ZBED4: variants seen among roughly 807,000 people sequenced by gnomAD.
ZBED4 encodes the protein zinc finger BED-type containing 4.
A neutral mutation model predicts 15.5 loss-of-function variants in ZBED4; 4 were observed. That is an observed-to-expected ratio of 0.26 (90% CI 0.13 to 0.59). The LOEUF is 0.59. ZBED4 is among the 20% of genes least tolerant of loss of function. The pLI, the probability that ZBED4 is intolerant of heterozygous loss-of-function variation, is 0.90. For missense variants in ZBED4, 1,323 were observed against 1,461.8 expected (o/e 0.91, Z 1.55); for synonymous variants, 692 against 608.5 (o/e 1.14, Z -2.02).
In ZBED4 at chr22:49,884,317, C is replaced by T; in HGVS notation, c.655C>T (p.Pro219Ser). The T allele has an allele frequency of 6.2e-7, 1 of 1,613,862 alleles. No homozygotes were observed. Among genetic ancestry groups the T allele is most frequent in the African/African-American group, 1.3e-5 (1 of 75,060 alleles). Residue 219 changes from proline (P) to serine (S), a missense_variant, in exon 2 of 2, where the codon CCC (proline) becomes TCC (serine). By Grantham distance (74) the Pro-to-Ser change is moderately conservative. Coordinates refer to ENST00000216268, the MANE Select transcript of ZBED4 (RefSeq NM_014838.3). ...VQKVASKIPS[P>S]DRITEESVSV... Reference sequence around the variant, plus strand: ...GAAAGTGGCGTCTAAGATCCCGTCCCCCGATCGAATAACAGAGGAGTCTGT... The same window carrying T: ...GAAAGTGGCGTCTAAGATCCCGTCCTCCGATCGAATAACAGAGGAGTCTGT...
intron 1 of ZBED4, among the ~76,000 whole-genome samples, chr22:49,867,954 T>C (rs1355661787): frequency 6.6e-6 from 1 of 152,216 alleles, no homozygotes; most frequent in Non-Finnish European, 1.5e-5. Flanking sequence ...GAATATCTCA[T>C]GTAAGAGTGT....
chr22:49,874,344 A>G (rs537445834), intron 1 of ZBED4, among the ~76,000 whole-genome samples: 3 of 151,712 alleles, frequency 2.0e-5, no homozygotes, highest in South Asian at 2.1e-4. Context: ...ACATCGAATG[A>G]CGTGCCCATA....
At chr22:49,853,580 T>G (rs2060260502), upstream of ZBED4, among the ~76,000 whole-genome samples, 1 of 151,898 alleles carries the variant, frequency 6.6e-6, no homozygotes, top group South Asian at 2.1e-4. Flanking sequence ...GCCCTTCCCG[T>G]CGCCCGCCAG....
At chr22:49,869,615 T>G (rs1315349407) in intron 1 of ZBED4, among the ~76,000 whole-genome samples, 1 of 152,228 alleles carries the variant, frequency 6.6e-6, no homozygotes, top group African/African-American at 2.4e-5. Context: ...ATTGTTTCTC[T>G]TAAAAAGTCA....
chr22:49,877,513 A>T (rs1079666), intron 1 of ZBED4, among the ~76,000 whole-genome samples: 16,027 of 151,972 alleles, frequency 0.11, 1,116 homozygotes, highest in African/African-American at 0.19. Flanking sequence ...GCTGGTCTTG[A>T]ACTCCTGACC....
In ZBED4 at chr22:49,884,098, G is replaced by A; in HGVS notation, c.436G>A (p.Gly146Ser). The A allele has an allele frequency of 6.2e-7, 1 of 1,613,208 alleles. No homozygotes were observed. Among genetic ancestry groups the A allele is most frequent in the Non-Finnish European group, 8.5e-7 (1 of 1,179,648 alleles). ...CMYCVKEFSR[G>S]KNEKDLSTSC... Reference sequence around the variant, plus strand: ...GTACTGTGTGAAGGAGTTCAGCAGAGGCAAAAACGAGAAAGACTTGAGTAC... The same window carrying A: ...GTACTGTGTGAAGGAGTTCAGCAGAAGCAAAAACGAGAAAGACTTGAGTAC... Residue 146 changes from glycine (G) to serine (S), a missense_variant, in exon 2 of 2, where the codon GGC becomes AGC. Coordinates refer to ENST00000216268, the MANE Select transcript of ZBED4 (RefSeq NM_014838.3).
chr22:49,882,417 C>CA (rs1198663395), intron 1 of ZBED4, among the ~76,000 whole-genome samples: 4 of 152,016 alleles, frequency 2.6e-5, no homozygotes, highest in Non-Finnish European at 4.4e-5. Context: ...TCCGTCTCTT[C>CA]AAAAAAAGTT....
chr22:49,878,301 CAA>C (rs71196388), intron 1 of ZBED4, among the ~76,000 whole-genome samples: 34 of 107,202 alleles, frequency 3.2e-4, no homozygotes, highest in Admixed American at 1.0e-3. Flanking sequence ...GACACTGTCT[CAA>C]AAAAAAAAAA....
At chr22:49,875,147 C>T (rs1045719424) in intron 1 of ZBED4, among the ~76,000 whole-genome samples, 2 of 151,678 alleles carry the variant, frequency 1.3e-5, no homozygotes, top group Non-Finnish European at 2.9e-5. Flanking sequence ...AATGTCTTTG[C>T]TGGTTTTGGT....
intron 1 of ZBED4, among the ~76,000 whole-genome samples, chr22:49,877,728 A>T (rs1160669160): frequency 1.3e-5 from 2 of 152,158 alleles, no homozygotes; most frequent in Admixed American, 6.5e-5. Flanking sequence ...GAATCTTCAT[A>T]TGGACATGCT....
intron 1 of ZBED4, among the ~76,000 whole-genome samples, chr22:49,873,640 G>A (rs1465783515): frequency 1.5e-5 from 2 of 130,520 alleles, no homozygotes; most frequent in Non-Finnish European, 3.0e-5. Flanking sequence ...CTCCAATTTG[G>A]GGGAAAAAAA....
Position 49,886,276 on chromosome 22 carries a change from G to A in ZBED4, c.2614G>A (p.Glu872Lys), listed in dbSNP as rs756872141. ...GCCCAAGGCGAAGGAGAAACTGGCC[G>A]AGCTGCAGAGGGAGTACGCGCTGCC... ...RSPKAKEKLAELQREYALPQH... is the reference protein window; with the variant it reads ...RSPKAKEKLAKLQREYALPQH... The change falls in exon 2 of 2, where the codon GAG becomes AAG. Residue 872 changes from glutamate to lysine, a missense_variant. Glu to Lys is a moderately conservative substitution (Grantham distance 56, BLOSUM62 1). This residue lies in a region of ZBED4 where 312 missense variants were observed against 410.7 expected (regional missense o/e 0.76). Transcript: ENST00000216268. The surrounding 1 kb of genome is among the most constrained non-coding windows in gnomAD (Gnocchi z 7.7). The A allele has an allele frequency of 9.4e-6, 13 of 1,377,182 alleles. No individual in the cohort carries two copies. Among genetic ancestry groups the A allele is most frequent in the South Asian group, 5.1e-5 (4 of 78,274 alleles). The allele number at this position is 1,377,182 out of a possible 1,614,324, so 85.3% of individuals were successfully genotyped here.
chr22:49,859,634 T>C (rs568649846), intron 1 of ZBED4, among the ~76,000 whole-genome samples: 4 of 152,360 alleles, frequency 2.6e-5, no homozygotes, highest in Non-Finnish European at 4.4e-5. Flanking sequence ...TATTGCTTAA[T>C]GCCCTGTTCG....
chr22:49,884,816 C>T lies in ZBED4; in HGVS notation c.1154C>T (p.Ser385Leu), dbSNP rs780126311. The change falls in exon 2 of 2, where the codon TCG (serine) becomes TTG (leucine). Residue 385 changes from serine to leucine, a missense_variant. Transcript: ENST00000216268. ...GTAAAGCCGGTCAGAGAGTCCCCTT[C>T]GGCCTCCTCCTCCCCTGACAGGCTG... ...SPVKPVRESPSASSSPDRLTE... is the reference protein window; with the variant it reads ...SPVKPVRESPLASSSPDRLTE... 61 of 1,610,606 alleles carry T rather than the reference C, an allele frequency of 3.8e-5. No homozygotes were observed. The highest frequency in any genetic ancestry group is 2.9e-4 in the East Asian group (13 of 44,796).
intron 1 of ZBED4, among the ~76,000 whole-genome samples, chr22:49,880,250 A>G (rs905998893): frequency 6.6e-6 from 1 of 152,078 alleles, no homozygotes; most frequent in Admixed American, 6.5e-5. Flanking sequence ...TTGGTGGTGG[A>G]AACACAAGCT....
chr22:49,865,042 C>T (rs11705623), intron 1 of ZBED4, among the ~76,000 whole-genome samples: 83,542 of 150,022 alleles, frequency 0.56, 26,041 homozygotes, highest in East Asian at 0.85. Flanking sequence ...GTGACGGCAG[C>T]CCCGGGTCTC....
rs556030000 is a variant in ZBED4, at chr22:49,877,716, A to G, written c.-329-5618A>G. Among the ~76,000 whole-genome samples the G allele has an allele frequency of 1.6e-4, 24 of 152,244 alleles. No homozygotes were observed. The South Asian group carries it at 4.6e-3, about 29-fold the overall frequency. Reference sequence around the variant, plus strand: ...AAACAGCTGCTGTGAACATTTGCATATGAATCTTCATATGGACATGCTTGT... The same window carrying G: ...AAACAGCTGCTGTGAACATTTGCATGTGAATCTTCATATGGACATGCTTGT... On this transcript the variant is annotated intron_variant, in intron 1 of 1. Transcript: ENST00000216268.
intron 1 of ZBED4, among the ~76,000 whole-genome samples, chr22:49,882,473 C>T (rs1012024621): frequency 6.6e-6 from 1 of 152,190 alleles, no homozygotes; most frequent in African/African-American, 2.4e-5. Context: ...AATATTTATG[C>T]TGCCATATTA....
intron 1 of ZBED4, among the ~76,000 whole-genome samples, chr22:49,881,317 C>G (rs941765175): frequency 1.3e-5 from 2 of 152,280 alleles, no homozygotes; most frequent in Non-Finnish European, 2.9e-5. Flanking sequence ...CCGCTGCACA[C>G]TGCAGCCTGG....
Sources: allele counts gnomAD v4.1 joint callset (sites outside exome capture counted in the v4.1 genomes callset), GRCh38; gene constraint gnomAD v4.1.1; regional missense constraint gnomAD v4.1.1; non-coding constraint Gnocchi (gnomAD v3.1); transcripts MANE v1.5; gene names NCBI Gene and HGNC (gene_info 2026-07-23, HGNC 2026-07-21).